The following PCSK6 variants were observed in gnomAD, a reference collection of about 807,000 sequenced individuals.
PCSK6 encodes the protein paired basic amino acid cleaving enzyme 4.
A neutral mutation model predicts 123.3 loss-of-function variants in PCSK6; 85 were observed. That is an observed-to-expected ratio of 0.69 (90% CI 0.58 to 0.83). PCSK6 has a LOEUF of 0.83. PCSK6 is among the 40% of genes least tolerant of loss of function. PCSK6 has a pLI of 0.00. For synonymous variants in PCSK6, 508 were observed against 516.0 expected (o/e 0.98, Z 0.21); for missense variants, 1,191 against 1,282.3 (o/e 0.93, Z 1.09).
chr15:101,307,894 A>T (rs2141329710), intron 20 of PCSK6: 1 of 153,910 alleles, frequency 6.5e-6, no homozygotes, highest in East Asian at 1.9e-4. Flanking sequence ...GCAGAGATGG[A>T]CACCAGCCAG....
intron 8 of PCSK6, among the ~76,000 whole-genome samples, chr15:101,390,613 G>A (rs183841929): frequency 6.6e-6 from 1 of 152,194 alleles, no homozygotes. Context: ...GGCCTCCAAA[G>A]GCTGAGAACG....
At chr15:101,309,928 G>C (rs1412144796) in intron 20 of PCSK6, among the ~76,000 whole-genome samples, 1 of 152,098 alleles carries the variant, frequency 6.6e-6, no homozygotes, top group Non-Finnish European at 1.5e-5. Context: ...TCTCAGCGTC[G>C]GGCCTCGGCT....
intron 6 of PCSK6, among the ~76,000 whole-genome samples, chr15:101,425,247 C>G (rs915721447): frequency 2.0e-5 from 3 of 152,206 alleles, no homozygotes; most frequent in African/African-American, 7.2e-5. Flanking sequence ...GGGGTTGAGG[C>G]TGGCCTTGAC....
intron 1 of PCSK6, among the ~76,000 whole-genome samples, chr15:101,459,115 C>T (rs758672632): frequency 2.6e-5 from 4 of 152,138 alleles, no homozygotes; most frequent in Non-Finnish European, 4.4e-5. Flanking sequence ...ACTGCTAGCT[C>T]CGCCCACTGA....
intron 1 of PCSK6, 122 bp from the exon 2 acceptor site, chr15:101,443,782 T>A: frequency 1.4e-6 from 1 of 714,944 alleles, no homozygotes; most frequent in South Asian, 1.6e-5. Flanking sequence ...AAACACACCC[T>A]CCATCACCCT....
At chr15:101,425,459 T>C (rs963728969) in intron 6 of PCSK6, among the ~76,000 whole-genome samples, 1 of 152,224 alleles carries the variant, frequency 6.6e-6, no homozygotes, top group African/African-American at 2.4e-5. Flanking sequence ...ACCATAGAGC[T>C]CTTCCTTTTC....
At chr15:101,410,629 C>T (rs1458160812) in intron 6 of PCSK6, among the ~76,000 whole-genome samples, 2 of 152,212 alleles carry the variant, frequency 1.3e-5, no homozygotes, top group Non-Finnish European at 2.9e-5. Context: ...TACAGTTATA[C>T]ACTGCGAAGG....
At chr15:101,351,685 A>G (rs2040894182) in intron 13 of PCSK6, among the ~76,000 whole-genome samples, 1 of 151,314 alleles carries the variant, frequency 6.6e-6, no homozygotes, top group Admixed American at 6.6e-5. Context: ...GTCAATATCT[A>G]TAAATAATTT....
chr15:101,338,452 T>C (rs2040532211), intron 13 of PCSK6, among the ~76,000 whole-genome samples: 1 of 152,030 alleles, frequency 6.6e-6, no homozygotes, highest in African/African-American at 2.4e-5. Context: ...ACATTCTCTT[T>C]GGGAAGGTAA....
intron 12 of PCSK6, 108 bp from the exon 13 acceptor site, chr15:101,366,440 C>A: frequency 8.4e-7 from 1 of 1,183,982 alleles, no homozygotes; most frequent in Non-Finnish European, 1.2e-6. Flanking sequence ...CTGGCTGGAC[C>A]GTACCCCCAG....
chr15:101,362,633 G>A (rs371012812), intron 13 of PCSK6, among the ~76,000 whole-genome samples: 99 of 152,288 alleles, frequency 6.5e-4, no homozygotes, highest in African/African-American at 2.1e-3. Context: ...TGCCAACGTC[G>A]CTGTGTGCCG....
intron 19 of PCSK6, among the ~76,000 whole-genome samples, chr15:101,316,596 T>C (rs2039993985): frequency 6.6e-6 from 1 of 152,262 alleles, no homozygotes; most frequent in Admixed American, 6.5e-5. Flanking sequence ...ACAGGCAAAC[T>C]GCTGGGGAAA....
chr15:101,403,590 C>T (rs901668312), intron 6 of PCSK6, among the ~76,000 whole-genome samples: 1 of 152,150 alleles, frequency 6.6e-6, no homozygotes, highest in Non-Finnish European at 1.5e-5. Flanking sequence ...ATGAACCCTG[C>T]AGCCCAATGC....
chr15:101,373,200 G>A (rs1006390346), intron 11 of PCSK6, among the ~76,000 whole-genome samples: 2 of 152,272 alleles, frequency 1.3e-5, no homozygotes, highest in Admixed American at 6.5e-5. Context: ...CGCCAGCCCC[G>A]CTGCTGCTGC....
chr15:101,486,785 A>T (rs2141281512), intron 1 of PCSK6, among the ~76,000 whole-genome samples: 1 of 152,366 alleles, frequency 6.6e-6, no homozygotes, highest in East Asian at 1.9e-4. Context: ...CACAGCGACT[A>T]TCTGGGAGAA....
chr15:101,446,915 T>C (rs1262645389), intron 1 of PCSK6, among the ~76,000 whole-genome samples: 1 of 152,208 alleles, frequency 6.6e-6, no homozygotes, highest in Non-Finnish European at 1.5e-5. Flanking sequence ...CATGTGGTCC[T>C]GCCCTCTGCC....
intron 13 of PCSK6, chr15:101,334,656 G>T (rs143063267): frequency 1.3e-5 from 2 of 152,364 alleles, no homozygotes; most frequent in East Asian, 3.9e-4. Context: ...GGGACCAAGG[G>T]CTCTAGAGGC....
chr15:101,305,278 T>C lies in PCSK6; in HGVS notation c.2890A>G (p.Thr964Ala). The change falls in exon 22 of 22, where the codon ACG becomes GCG. Residue 964 changes from threonine (T) to alanine (A), a missense_variant. Thr to Ala is a moderately conservative substitution (Grantham distance 58, BLOSUM62 0). This residue lies in a region of PCSK6 where 630 missense variants were observed against 631.4 expected (regional missense o/e 1.00). Coordinates refer to ENST00000611716, the MANE Select transcript of PCSK6 (RefSeq NM_002570.5). The surrounding 1 kb of genome is among the most constrained non-coding windows in gnomAD (Gnocchi z 4.8). ...RKLFIQFCCR[T>A]CLLAG ...CACCCTTACCCGGCCAGGAGGCACG[T>C]GCGGCAGCAGAACTGAATGAAGAGC... 1.2e-6 allele frequency: 2 copies of C among 1,611,898 alleles called. No homozygotes were observed. Among genetic ancestry groups the C allele is most frequent in the Non-Finnish European group, 1.7e-6 (2 of 1,179,632 alleles).
intron 13 of PCSK6, among the ~76,000 whole-genome samples, chr15:101,355,719 C>T (rs1385162071): frequency 1.3e-5 from 2 of 152,236 alleles, no homozygotes; most frequent in African/African-American, 2.4e-5. Context: ...TGCATGCATC[C>T]GGCATGCCCA....
Sources: allele counts gnomAD v4.1 joint callset (sites outside exome capture counted in the v4.1 genomes callset), GRCh38; gene constraint gnomAD v4.1.1; regional missense constraint gnomAD v4.1.1; non-coding constraint Gnocchi (gnomAD v3.1); transcripts MANE v1.5; gene names NCBI Gene and HGNC (gene_info 2026-07-23, HGNC 2026-07-21).